LINGO2: variants seen among roughly 807,000 people sequenced by gnomAD.
LINGO2 encodes the protein leucine rich repeat and Ig domain containing 2.
LINGO2 carries 14 observed loss-of-function variants against 30.6 expected under a neutral mutation model. The observed-to-expected ratio is 0.46, with a 90% CI of 0.30 to 0.72. The LOEUF (loss-of-function observed/expected upper bound fraction) is 0.72, where lower values mean the gene tolerates loss of function less well. Ranked by LOEUF, LINGO2 falls within the 30% of genes least tolerant of loss-of-function variation. The probability of loss-of-function intolerance (pLI) is 0.07; values close to 1 mark genes in which losing one functional copy is unlikely to be tolerated. For synonymous variants in LINGO2, 317 were observed against 288.5 expected (o/e 1.10, Z -1.00); for missense variants, 729 against 751.7 (o/e 0.97, Z 0.35).
At chr9:28,367,675 T>C (rs1289795741) in intron 3 of LINGO2, among the ~76,000 whole-genome samples, 1 of 152,124 alleles carries the variant, frequency 6.6e-6, no homozygotes, top group African/African-American at 2.4e-5. Context: ...CTCTGGAAGC[T>C]GTAGTGTACT....
chr9:27,999,832 T>C (rs544078731), intron 5 of LINGO2, among the ~76,000 whole-genome samples: 6 of 151,476 alleles, frequency 4.0e-5, no homozygotes, highest in African/African-American at 7.4e-5. Context: ...AAATCGTACA[T>C]GTATTAATGG....
the LINGO2 span, among the ~76,000 whole-genome samples, chr9:28,937,482 A>T: frequency 6.6e-6 from 1 of 152,188 alleles, no homozygotes; most frequent in Non-Finnish European, 1.5e-5. Context: ...AGAAAGGCAA[A>T]TTCTGTTAGA....
At chr9:28,285,226 TATC>T (rs148814330) in intron 4 of LINGO2, among the ~76,000 whole-genome samples, 7 of 151,664 alleles carry the variant, frequency 4.6e-5, no homozygotes, top group Admixed American at 2.0e-4. Context: ...TTATCATCGT[TATC>T]ATCATCATCA....
intron 4 of LINGO2, among the ~76,000 whole-genome samples, chr9:28,245,528 G>A (rs1021651236): frequency 6.6e-6 from 1 of 152,124 alleles, no homozygotes; most frequent in African/African-American, 2.4e-5. Flanking sequence ...GTTTGCAGAT[G>A]ACGTGATCCT....
intron 1 of LINGO2, among the ~76,000 whole-genome samples, chr9:28,530,507 A>G (rs1398283649): frequency 1.3e-5 from 2 of 152,188 alleles, no homozygotes; most frequent in South Asian, 4.1e-4. Context: ...TAACGGCCCC[A>G]TGCACAGGTT....
At chr9:28,511,010 A>T (rs545332357) in intron 1 of LINGO2, among the ~76,000 whole-genome samples, 2 of 151,926 alleles carry the variant, frequency 1.3e-5, no homozygotes, top group South Asian at 2.1e-4. Context: ...TTTATGTTTG[A>T]TGGCAGCTGA....
At chr9:29,179,013 C>G in the LINGO2 span, among the ~76,000 whole-genome samples, 1 of 151,188 alleles carries the variant, frequency 6.6e-6, no homozygotes, top group Non-Finnish European at 1.5e-5. Context: ...GCTTCTGTGG[C>G]TAGACTCAAA....
At chr9:28,858,115 G>T in the LINGO2 span, among the ~76,000 whole-genome samples, 2 of 151,972 alleles carry the variant, frequency 1.3e-5, no homozygotes, top group Non-Finnish European at 2.9e-5. Context: ...GTCAGGACCT[G>T]CCCTCTGTGG....
At chr9:28,182,604 A>C (rs1587158485) in intron 4 of LINGO2, among the ~76,000 whole-genome samples, 1 of 152,240 alleles carries the variant, frequency 6.6e-6, no homozygotes, top group Admixed American at 6.5e-5. Context: ...CAAGGAACTT[A>C]AACAAATTTA....
chr9:28,038,358 T>C (rs181679945), intron 4 of LINGO2, among the ~76,000 whole-genome samples: 1 of 152,244 alleles, frequency 6.6e-6, no homozygotes, highest in East Asian at 1.9e-4. Flanking sequence ...TTATACAACA[T>C]TATAGAGACG....
At chr9:28,733,008 A>G in the LINGO2 span, among the ~76,000 whole-genome samples, 1 of 152,194 alleles carries the variant, frequency 6.6e-6, no homozygotes, top group East Asian at 1.9e-4. Context: ...GCTCTCATCC[A>G]TCTGTATACT....
At chr9:28,789,344 C>T in the LINGO2 span, among the ~76,000 whole-genome samples, 2 of 151,984 alleles carry the variant, frequency 1.3e-5, no homozygotes, top group African/African-American at 4.8e-5. Flanking sequence ...TGTCATGAAC[C>T]ACAATGTTTT....
At chr9:29,188,250 T>G in the LINGO2 span, among the ~76,000 whole-genome samples, 1 of 151,570 alleles carries the variant, frequency 6.6e-6, no homozygotes, top group Non-Finnish European at 1.5e-5. Flanking sequence ...CAAGCATCTG[T>G]TTAACAAAGC....
At chr9:28,270,081 T>C (rs1822887002) in intron 4 of LINGO2, among the ~76,000 whole-genome samples, 1 of 152,118 alleles carries the variant, frequency 6.6e-6, no homozygotes, top group Non-Finnish European at 1.5e-5. Context: ...ACCTTTAAGG[T>C]TCTGAAGATA....
intron 3 of LINGO2, among the ~76,000 whole-genome samples, chr9:28,316,223 G>C (rs1370308396): frequency 1.3e-5 from 2 of 151,716 alleles, no homozygotes; most frequent in African/African-American, 4.8e-5. Context: ...CACATATTTT[G>C]AAAACAGTAC....
chr9:28,970,865 C>T, the LINGO2 span, among the ~76,000 whole-genome samples: 2 of 152,192 alleles, frequency 1.3e-5, no homozygotes, highest in East Asian at 1.9e-4. Flanking sequence ...AGACAGTGGA[C>T]GAGGAGGGCA....
intron 1 of LINGO2, among the ~76,000 whole-genome samples, chr9:28,565,865 T>C (rs1028146942): frequency 1.3e-5 from 2 of 152,150 alleles, no homozygotes; most frequent in African/African-American, 4.8e-5. Context: ...AAAAGGATTA[T>C]TTTCTTGCTA....
the LINGO2 span, among the ~76,000 whole-genome samples, chr9:28,883,655 TA>T: frequency 7.5e-6 from 1 of 133,726 alleles, no homozygotes; most frequent in African/African-American, 2.7e-5. Context: ...TATATATATA[TA>T]TATATATATA....
chr9:29,046,142 G>T, the LINGO2 span, among the ~76,000 whole-genome samples: 1 of 152,056 alleles, frequency 6.6e-6, no homozygotes, highest in Admixed American at 6.6e-5. Flanking sequence ...TTGCCTGATT[G>T]CTCTGGCTAG....
Sources: allele counts gnomAD v4.1 joint callset (sites outside exome capture counted in the v4.1 genomes callset), GRCh38; gene constraint gnomAD v4.1.1; transcripts MANE v1.5; gene names NCBI Gene and HGNC (gene_info 2026-07-23, HGNC 2026-07-21).